Variants in THUMPD3 observed in about 807,000 individuals in gnomAD.
THUMPD3 encodes the protein tRNA (guanine(6)-N(2))-methyltransferase THUMP3.
Under a neutral mutation model 54.5 loss-of-function variants are expected in THUMPD3, and 44 were observed. That is an observed-to-expected ratio of 0.81 (90% CI 0.63 to 1.04). The LOEUF (loss-of-function observed/expected upper bound fraction) is 1.04. Ranked by LOEUF, THUMPD3 falls within the 50% of genes least tolerant of loss-of-function variation. The probability of loss-of-function intolerance (pLI) is 0.00; values close to 1 mark genes in which losing one functional copy is unlikely to be tolerated. For synonymous variants in THUMPD3, 196 were observed against 201.4 expected (o/e 0.97, Z 0.23); for missense variants, 604 against 601.3 (o/e 1.00, Z -0.05).
chr3:9,366,083 TAAG>T (rs1231077721), intron 2 of THUMPD3, among the ~76,000 whole-genome samples: 1 of 152,198 alleles, frequency 6.6e-6, no homozygotes, highest in Non-Finnish European at 1.5e-5. Flanking sequence ...CTGTTCAACT[TAAG>T]AAATTCTCTA....
In THUMPD3 at chr3:9,385,587, A is replaced by G. The variant is rs1408962725; in HGVS notation, c.*899A>G. On this transcript the variant is annotated 3_prime_UTR_variant, in exon 10 of 10. Transcript: ENST00000452837. ...ACAGAATGAAAATAGAGGTCTAGGA[A>G]TTATCAAAGGTACTGCAAAAATACT... The G allele has an allele frequency of 6.6e-6, 1 of 152,260 alleles. No homozygotes were observed. Among genetic ancestry groups the G allele is most frequent in the Non-Finnish European group, 1.5e-5 (1 of 68,054 alleles). 9.4% of individuals were successfully genotyped at this position (152,260 alleles called of 1,614,324 possible). A position where few individuals can be genotyped will look rare whatever the true frequency, so the allele number is the denominator to read the frequency against.
chr3:9,383,248 A>C lies in THUMPD3; in HGVS notation c.1174A>C (p.Asn392His), dbSNP rs1241283922. Residue 392 changes from asparagine (N) to histidine (H), a missense_variant, in exon 8 of 10, where the codon AAT (asparagine) becomes CAT (histidine). Coordinates refer to ENST00000452837, the MANE Select transcript of THUMPD3 (RefSeq NM_001114092.2). Reference protein sequence around the residue: ...PIDAVQWDICNLPLRTGSVDI... With the variant: ...PIDAVQWDICHLPLRTGSVDI... ...AGATGCTGTTCAGTGGGATATCTGC[A>C]ATCTGCCATTGAGAACTGGCTCTGT... 1 of 1,614,150 alleles carries C rather than the reference A, an allele frequency of 6.2e-7. No homozygotes were observed. The highest frequency in any genetic ancestry group is 1.7e-5 in the Admixed American group (1 of 60,024).
At chr3:9,371,665 T>C in intron 4 of THUMPD3, 129 bp downstream of exon 4, 1 of 816,590 alleles carries the variant, frequency 1.2e-6, no homozygotes, top group South Asian at 1.7e-5. Flanking sequence ...GAGCATAGGC[T>C]ATGGAGACAG....
intron 3 of THUMPD3, among the ~76,000 whole-genome samples, chr3:9,369,738 T>C (rs2031880386): frequency 6.6e-6 from 1 of 152,258 alleles, no homozygotes; most frequent in Admixed American, 6.5e-5. Flanking sequence ...ACAAATACAC[T>C]ATGTAAATTC....
At position 9,365,182 on chromosome 3, in the gene THUMPD3, C is replaced by G. The variant is rs758341193; in HGVS notation, c.114C>G (p.Val38=). 6.2e-7 allele frequency: 1 copy of G among 1,614,126 alleles called. No individual in the cohort carries two copies. Among genetic ancestry groups the G allele is most frequent in the South Asian group, 1.1e-5 (1 of 91,080 alleles). ...TCGGAAGTGAATCTGAGCTTCTAGTCACTATTGGAGCCACTGTACCTACTG... is the reference window on the plus strand; with the variant it reads ...TCGGAAGTGAATCTGAGCTTCTAGTGACTATTGGAGCCACTGTACCTACTG... The part of the protein sequence containing the change: ...SDLGSESELL[V]TIGATVPTGF... Residue 38 remains valine (V), a synonymous_variant, in exon 2 of 10, where the codon GTC becomes GTG. Transcript: ENST00000452837.
At chr3:9,366,738 T>C (rs1448299976) in intron 2 of THUMPD3, among the ~76,000 whole-genome samples, 170 bp from the exon 3 acceptor site, 1 of 152,260 alleles carries the variant, frequency 6.6e-6, no homozygotes, top group Non-Finnish European at 1.5e-5. Context: ...GGAAAGCTGA[T>C]TAGTAACCAA....
At chr3:9,363,825 T>C (rs2031173731) in intron 1 of THUMPD3, 1 of 148,552 alleles carries the variant, frequency 6.7e-6, no homozygotes, top group Admixed American at 6.7e-5. Flanking sequence ...TTTTTTTTTT[T>C]TTGAGACAGG....
At chr3:9,379,088 G>A (rs1386940079) in intron 6 of THUMPD3, among the ~76,000 whole-genome samples, 2 of 151,400 alleles carry the variant, frequency 1.3e-5, no homozygotes, top group African/African-American at 4.9e-5. Context: ...AATTGACAAG[G>A]TATATATAAA....
chr3:9,384,742 ACTTGG>A lies in THUMPD3; in HGVS notation c.*55_*59del. On this transcript the variant is annotated 3_prime_UTR_variant, in exon 10 of 10. Coordinates refer to ENST00000452837, the MANE Select transcript of THUMPD3 (RefSeq NM_001114092.2). ...CCACTGGAAATGTTAGCATAAAAGA[ACTTGG>A]AGAGGAAAAAAGTATTAACAAAACT... is the stretch of plus-strand genomic sequence containing the variant. 6.2e-7 allele frequency: 1 copy of A among 1,601,324 alleles called. No individual in the cohort carries two copies. The highest frequency in any genetic ancestry group is 8.5e-7 in the Non-Finnish European group (1 of 1,171,500).
intron 5 of THUMPD3, among the ~76,000 whole-genome samples, chr3:9,375,295 AAGC>A (rs1165919898): frequency 6.6e-6 from 1 of 152,206 alleles, no homozygotes; most frequent in Non-Finnish European, 1.5e-5. Flanking sequence ...AAAAAGATGA[AAGC>A]AGAGATTTTT....
chr3:9,384,100 A>G lies in THUMPD3; in HGVS notation c.1236-112A>G, dbSNP rs574333832. The G allele has an allele frequency of 6.0e-4, 734 of 1,230,802 alleles. 1 individual carries two copies. Among genetic ancestry groups the G allele is most frequent in the Non-Finnish European group, 7.8e-4 (689 of 882,540 alleles). 76.2% of individuals were successfully genotyped at this position (1,230,802 alleles called of 1,614,324 possible). A position where few individuals can be genotyped will look rare whatever the true frequency, so the allele number is the denominator to read the frequency against. On this transcript the variant is annotated intron_variant, in intron 8 of 9. Coordinates refer to ENST00000452837, the MANE Select transcript of THUMPD3 (RefSeq NM_001114092.2). ...TGTAATGGCAAAGGTCTGGTTTCTA[A>G]AACTACAGCTATTTTTCATGCCTCA...
chr3:9,380,738 A>T, intron 7 of THUMPD3, 120 bp downstream of exon 7: 1 of 527,320 alleles, frequency 1.9e-6, no homozygotes, highest in Non-Finnish European at 3.3e-6. Context: ...TGAATATACT[A>T]TGAGACTCCA....
chr3:9,371,000 GTTTA>G, intron 3 of THUMPD3, 56 bp from the exon 4 acceptor site: 2 of 1,374,624 alleles, frequency 1.5e-6, no homozygotes, highest in Non-Finnish European at 2.0e-6. Flanking sequence ...CAAAGTAGAG[GTTTA>G]TTTGTTTGAT....
chr3:9,374,724 T>C, intron 5 of THUMPD3, 78 bp downstream of exon 5: 1 of 1,518,820 alleles, frequency 6.6e-7, no homozygotes, highest in Non-Finnish European at 9.0e-7. Context: ...GATTTGTGTG[T>C]ATGTGTGTTT....
intron 6 of THUMPD3, among the ~76,000 whole-genome samples, chr3:9,379,464 T>C (rs1401900342): frequency 6.6e-6 from 1 of 152,218 alleles, no homozygotes; most frequent in African/African-American, 2.4e-5. Context: ...AGGTGTTTGC[T>C]ACTCACCCCT....
chr3:9,373,812 C>T (rs1480354443), intron 4 of THUMPD3, among the ~76,000 whole-genome samples: 1 of 152,122 alleles, frequency 6.6e-6, no homozygotes, highest in African/African-American at 2.4e-5. Flanking sequence ...CTCCCAGGCT[C>T]AGGCTGTCCT....
At chr3:9,374,093 A>C (rs75482346) in intron 4 of THUMPD3, among the ~76,000 whole-genome samples, 3,276 of 152,254 alleles carry the variant, frequency 0.022, 101 homozygotes, top group African/African-American at 0.066. Context: ...GGCAATCACT[A>C]ATCTGACTGC....
At chr3:9,368,042 G>A (rs1277667635) in intron 3 of THUMPD3, among the ~76,000 whole-genome samples, 1 of 151,950 alleles carries the variant, frequency 6.6e-6, no homozygotes, top group African/African-American at 2.4e-5. Context: ...TCCAGCCTGG[G>A]CGACAGAGCG....
At position 9,383,293 on chromosome 3, in the gene THUMPD3, T is replaced by A. The variant is rs2033063492; in HGVS notation, c.1219T>A (p.Leu407Met). Residue 407 changes from leucine (L) to methionine (M), a missense_variant, in exon 8 of 10, where the codon TTG (leucine) becomes ATG (methionine). Leu to Met is a conservative substitution (Grantham distance 15). Transcript: ENST00000452837. ...CTCTGTGGATATTATTGTAACAGAT[T>A]TGCCATTTGGAAAAAGGTGAGAAAT... ...TGSVDIIVTD[L>M]PFGKRMGSKK... 1.9e-6 allele frequency: 3 copies of A among 1,613,142 alleles called. No individual in the cohort carries two copies. The highest frequency in any genetic ancestry group is 1.7e-5 in the Admixed American group (1 of 59,994).
Sources: allele counts gnomAD v4.1 joint callset (sites outside exome capture counted in the v4.1 genomes callset), GRCh38; gene constraint gnomAD v4.1.1; transcripts MANE v1.5; gene names NCBI Gene and HGNC (gene_info 2026-07-23, HGNC 2026-07-21).